Variants in NAALADL2 observed in about 807,000 individuals in gnomAD.
The protein encoded by NAALADL2 is N-acetylated alpha-linked acidic dipeptidase like 2, also known as inactive N-acetylated-alpha-linked acidic dipeptidase-like protein 2.
In NAALADL2, 76 loss-of-function variants were observed where a neutral mutation model predicts 87.2. The ratio of observed to expected loss-of-function variants is 0.87; its 90% CI spans 0.72 to 1.05. The LOEUF is 1.05. NAALADL2 is among the 50% of genes least tolerant of loss of function. The pLI is 0.00. For synonymous variants in NAALADL2, 354 were observed against 331.0 expected (o/e 1.07, Z -0.75); for missense variants, 1,089 against 945.8 (o/e 1.15, Z -1.99).
At chr3:175,290,240 A>G (rs1581271389) in intron 4 of NAALADL2, among the ~76,000 whole-genome samples, 1 of 152,246 alleles carries the variant, frequency 6.6e-6, no homozygotes, top group East Asian at 1.9e-4. Context: ...TTATTCATAA[A>G]AGCCCCATAC....
chr3:175,766,972 G>A (rs1255197681), intron 13 of NAALADL2, among the ~76,000 whole-genome samples: 1 of 152,106 alleles, frequency 6.6e-6, no homozygotes, highest in Admixed American at 6.6e-5. Flanking sequence ...AGGACAGGGA[G>A]CCAATAGGCA....
chr3:175,659,511 G>A (rs1314419330), intron 11 of NAALADL2, among the ~76,000 whole-genome samples: 14 of 152,010 alleles, frequency 9.2e-5, no homozygotes, highest in Non-Finnish European at 1.8e-4. Flanking sequence ...ATTTATTATT[G>A]CTTGAATTTT....
intron 6 of NAALADL2, among the ~76,000 whole-genome samples, chr3:175,447,784 A>G (rs939172287): frequency 6.6e-6 from 1 of 152,284 alleles, no homozygotes; most frequent in African/African-American, 2.4e-5. Context: ...AATTCCTGCA[A>G]TTGACTAAAA....
intron 1 of NAALADL2, among the ~76,000 whole-genome samples, chr3:174,882,794 TACAC>T (rs1729540342): frequency 9.5e-6 from 1 of 104,982 alleles, no homozygotes; most frequent in African/African-American, 4.9e-5. Context: ...TGTGTATATA[TACAC>T]GTGTGTATAT....
At chr3:174,669,298 G>A (rs1220971837) in intron 2 of NAALADL2, among the ~76,000 whole-genome samples, 3 of 151,918 alleles carry the variant, frequency 2.0e-5, no homozygotes, top group Non-Finnish European at 4.4e-5. Flanking sequence ...TGAGTTCATT[G>A]TAGATTCTGG....
chr3:174,609,351 T>G, intron 2 of NAALADL2, among the ~76,000 whole-genome samples: 1 of 151,928 alleles, frequency 6.6e-6, no homozygotes. Context: ...GCGTATCCAA[T>G]TAGGAAAAGA....
chr3:175,058,096 AT>A (rs1468690890), intron 1 of NAALADL2, among the ~76,000 whole-genome samples: 1 of 152,164 alleles, frequency 6.6e-6, no homozygotes, highest in African/African-American at 2.4e-5. Context: ...TTCAATGACA[AT>A]TTGGTAAACT....
chr3:174,642,427 G>A (rs1723294781), intron 2 of NAALADL2, among the ~76,000 whole-genome samples: 1 of 151,350 alleles, frequency 6.6e-6, no homozygotes, highest in African/African-American at 2.4e-5. Flanking sequence ...CTTGAACCTG[G>A]GAGGCGCAGG....
chr3:174,691,447 A>AAG (rs3040033), intron 2 of NAALADL2, among the ~76,000 whole-genome samples: 1 of 151,272 alleles, frequency 6.6e-6, no homozygotes, highest in East Asian at 1.9e-4. Flanking sequence ...CAAAAAAAAA[A>AAG]CTGAATTGCT....
At chr3:175,209,283 A>C (rs1214873672) in intron 2 of NAALADL2, among the ~76,000 whole-genome samples, 1 of 152,130 alleles carries the variant, frequency 6.6e-6, no homozygotes, top group Admixed American at 6.6e-5. Context: ...AAAAGCAGAA[A>C]AAAAAGCATT....
In NAALADL2 at chr3:175,298,551, C is replaced by A. The variant is rs76807400; in HGVS notation, c.940-25624C>A. On this transcript the variant is annotated intron_variant, in intron 4 of 13. Coordinates refer to ENST00000454872, the MANE Select transcript of NAALADL2 (RefSeq NM_207015.3). Reference sequence around the variant, plus strand: ...TATTTCTTGGGTTAATATTATCCAACTATACATCTAAAAATCCATCAAATT... The same window carrying A: ...TATTTCTTGGGTTAATATTATCCAAATATACATCTAAAAATCCATCAAATT... 3.7e-4 allele frequency among the ~76,000 whole-genome samples: 56 copies of A among 152,210 alleles called. No individual in the cohort carries two copies. In the East Asian group the frequency reaches 8.3e-3, roughly 23 times the overall value.
intron 1 of NAALADL2, among the ~76,000 whole-genome samples, chr3:174,865,993 A>C (rs2109570667): frequency 6.6e-6 from 1 of 152,046 alleles, no homozygotes; most frequent in South Asian, 2.1e-4. Flanking sequence ...TTGTATACAA[A>C]ATATATGCCA....
chr3:174,498,224 A>T (rs914828686), intron 1 of NAALADL2, among the ~76,000 whole-genome samples: 1 of 151,994 alleles, frequency 6.6e-6, no homozygotes, highest in Admixed American at 6.6e-5. Context: ...CTAGGCAACC[A>T]GTGATCTGCT....
intron 11 of NAALADL2, among the ~76,000 whole-genome samples, chr3:175,672,462 C>G (rs754022786): frequency 2.0e-5 from 3 of 152,142 alleles, no homozygotes; most frequent in Non-Finnish European, 4.4e-5. Context: ...ACTGCTTATA[C>G]TTGGCAGCTG....
At chr3:174,978,263 T>C (rs1744634644) in intron 1 of NAALADL2, among the ~76,000 whole-genome samples, 1 of 152,224 alleles carries the variant, frequency 6.6e-6, no homozygotes. Flanking sequence ...AGTTGATATT[T>C]TCTTTCTTTC....
At chr3:175,583,124 C>T (rs543939236) in intron 10 of NAALADL2, among the ~76,000 whole-genome samples, 3 of 152,072 alleles carry the variant, frequency 2.0e-5, no homozygotes, top group Non-Finnish European at 2.9e-5. Flanking sequence ...AGAACTCTTT[C>T]GGTACAGCAG....
chr3:175,285,686 G>T (rs1393560515), intron 4 of NAALADL2, among the ~76,000 whole-genome samples: 1 of 152,006 alleles, frequency 6.6e-6, no homozygotes, highest in Non-Finnish European at 1.5e-5. Context: ...ATTTAAAGCA[G>T]TTACATTTCA....
At chr3:175,306,313 C>G (rs1246370290) in intron 4 of NAALADL2, among the ~76,000 whole-genome samples, 5 of 152,088 alleles carry the variant, frequency 3.3e-5, no homozygotes, top group African/African-American at 1.2e-4. Context: ...TATATTATCT[C>G]ATTTATCTTA....
chr3:175,518,520 G>A (rs1448637283), intron 9 of NAALADL2, among the ~76,000 whole-genome samples: 2 of 152,136 alleles, frequency 1.3e-5, no homozygotes, highest in Admixed American at 6.5e-5. Flanking sequence ...TATTTAAAAG[G>A]AAATTAATTG....
Sources: allele counts gnomAD v4.1 joint callset (sites outside exome capture counted in the v4.1 genomes callset), GRCh38; gene constraint gnomAD v4.1.1; transcripts MANE v1.5; gene names NCBI Gene and HGNC (gene_info 2026-07-23, HGNC 2026-07-21).